Variants in CDH19 observed in about 807,000 individuals in gnomAD.
CDH19 encodes the protein cadherin-19.
CDH19 carries 67 observed loss-of-function variants against 64.2 expected under a neutral mutation model. The observed-to-expected ratio is 1.04, with a 90% CI of 0.86 to 1.28. The LOEUF is 1.28. CDH19 is among the 50% of genes most tolerant of loss of function. The probability of loss-of-function intolerance (pLI) is 0.00; values close to 1 mark genes in which losing one functional copy is unlikely to be tolerated. For missense variants in CDH19, 1,030 were observed against 929.0 expected, an observed-to-expected ratio of 1.11 and a Z score of -1.41; for synonymous variants, 346 against 319.3, an observed-to-expected ratio of 1.08 and a Z score of -0.89.
intron 3 of CDH19, among the ~76,000 whole-genome samples, chr18:66,558,036 C>A (rs949771835): frequency 3.3e-5 from 5 of 151,586 alleles, no homozygotes; most frequent in Admixed American, 6.6e-5. Flanking sequence ...CTTATTAGTG[C>A]AACTCCTGTA....
rs1987328928 is a variant in CDH19 at position 66,551,172 on chromosome 18, G to A, written c.697C>T (p.Pro233Ser). ...IIQAKDMIGQ[P>S]GALSGTTSVL... ...CTTGTTGTTCCAGACAACGCTCCTG[G>A]CTGACCAATCATGTCCTTGGCTTGA... The change falls in exon 5 of 12, where the codon CCA becomes TCA. Residue 233 changes from proline to serine, a missense_variant. Coordinates refer to ENST00000262150, the MANE Select transcript of CDH19 (RefSeq NM_021153.4). 1.2e-6 allele frequency: 2 copies of A among 1,605,284 alleles called. No individual in the cohort carries two copies. Among genetic ancestry groups the A allele is most frequent in the Admixed American group, 3.3e-5 (2 of 59,928 alleles).
chr18:66,505,331 A>G, intron 11 of CDH19, 29 bp from the exon 12 acceptor site: 2 of 1,492,894 alleles, frequency 1.3e-6, no homozygotes, highest in Non-Finnish European at 1.8e-6. Flanking sequence ...CAGAATATCA[A>G]TAAACAATAA....
At chr18:66,566,359 A>G (rs919314740) in intron 3 of CDH19, among the ~76,000 whole-genome samples, 10 of 149,998 alleles carry the variant, frequency 6.7e-5, no homozygotes, top group Admixed American at 5.4e-4. Flanking sequence ...TATTCTCTGG[A>G]ATCATTCCCC....
rs771959922 is a variant in CDH19 at position 66,509,296 on chromosome 18, T to C, written c.1577-50A>G. On this transcript the variant is annotated intron_variant, in intron 10 of 11. Coordinates refer to ENST00000262150, the MANE Select transcript of CDH19 (RefSeq NM_021153.4). ...ATTTTTTCAACTACGTAAGAGAAAT[T>C]TGTATGTAATAGTCACATGTGCTAG... 1.4e-5 allele frequency: 21 copies of C among 1,522,134 alleles called. No homozygotes were observed. The East Asian group carries it at 4.7e-4, about 34-fold the overall frequency. The allele number at this position is 1,522,134 out of a possible 1,614,324, so 94.3% of individuals were successfully genotyped here.
At chr18:66,528,004 T>C (rs577964482) in intron 9 of CDH19, among the ~76,000 whole-genome samples, 1 of 151,620 alleles carries the variant, frequency 6.6e-6, no homozygotes, top group Non-Finnish European at 1.5e-5. Flanking sequence ...CATAATTTTA[T>C]TTATAATAAT....
intron 8 of CDH19, among the ~76,000 whole-genome samples, chr18:66,534,088 C>T (rs1246340284): frequency 1.3e-5 from 2 of 151,070 alleles, no homozygotes; most frequent in African/African-American, 2.4e-5. Flanking sequence ...ACAAGTTTTT[C>T]CTTAAAATGA....
At chr18:66,523,907 T>TGGGGGC (rs980073202) in intron 9 of CDH19, among the ~76,000 whole-genome samples, 2 of 6,988 alleles carry the variant, frequency 2.9e-4, no homozygotes, top group Non-Finnish European at 6.2e-4. Context: ...TCTCCGGGGG[T>TGGGGGC]GGGGGCGGGG....
At chr18:66,592,837 A>C (rs1051943186) in intron 1 of CDH19, among the ~76,000 whole-genome samples, 2 of 151,892 alleles carry the variant, frequency 1.3e-5, no homozygotes, top group African/African-American at 4.8e-5. Flanking sequence ...GAATTGCAAT[A>C]CATATATTGC....
intron 9 of CDH19, among the ~76,000 whole-genome samples, chr18:66,523,493 A>G (rs1286401472): frequency 6.6e-6 from 1 of 151,752 alleles, no homozygotes; most frequent in Admixed American, 6.6e-5. Flanking sequence ...TCTAACCCAC[A>G]TTCTTCAGGA....
intron 9 of CDH19, among the ~76,000 whole-genome samples, chr18:66,525,794 A>G (rs183779021): frequency 9.2e-5 from 14 of 152,260 alleles, no homozygotes; most frequent in Admixed American, 9.2e-4. Flanking sequence ...GGAACATGAT[A>G]GGTAGCCATA....
At chr18:66,553,932 T>C in intron 4 of CDH19, among the ~76,000 whole-genome samples, 1 of 92,012 alleles carries the variant, frequency 1.1e-5, no homozygotes, top group South Asian at 3.5e-4. Flanking sequence ...GAATGTCTCA[T>C]ATCAATGTGT....
chr18:66,511,860 A>G (rs1985508478), intron 9 of CDH19, among the ~76,000 whole-genome samples, 175 bp from the exon 10 acceptor site: 1 of 151,600 alleles, frequency 6.6e-6, no homozygotes, highest in African/African-American at 2.4e-5. Flanking sequence ...GGTTAAAAAT[A>G]TGTTCACTTC....
chr18:66,550,460 A>T (rs1987298054), intron 5 of CDH19, among the ~76,000 whole-genome samples: 1 of 152,168 alleles, frequency 6.6e-6, no homozygotes, highest in Admixed American at 6.6e-5. Context: ...CGAAAGTGGC[A>T]AAAGAGAATT....
intron 10 of CDH19, among the ~76,000 whole-genome samples, chr18:66,509,459 AATT>A (rs1024632771): frequency 1.3e-5 from 2 of 151,828 alleles, no homozygotes; most frequent in Non-Finnish European, 2.9e-5. Flanking sequence ...TAATCAGATG[AATT>A]ATTTAAATTA....
chr18:66,529,896 C>A lies in CDH19; in HGVS notation c.1407G>T (p.Glu469Asp), dbSNP rs1443213989. ...CATAAGTCTCATAGTATTGAGAGAA[C>A]TCAGGAGCATGATCATTGATGTTAA... ...QVLNINDHAP[E>D]FSQYYETYVC... The change falls in exon 9 of 12, where the codon GAG (glutamate) becomes GAT (aspartate). Residue 469 changes from glutamate to aspartate, a missense_variant. Transcript: ENST00000262150. The A allele has an allele frequency of 2.5e-6, 4 of 1,591,790 alleles. No homozygotes were observed. Among genetic ancestry groups the A allele is most frequent in the Non-Finnish European group, 3.4e-6 (4 of 1,164,686 alleles).
intron 1 of CDH19, among the ~76,000 whole-genome samples, chr18:66,575,959 C>A (rs1285293226): frequency 6.6e-6 from 1 of 151,368 alleles, no homozygotes; most frequent in Non-Finnish European, 1.5e-5. Context: ...GCTCCATAAA[C>A]CATATATAAA....
chr18:66,523,216 G>A (rs1275681066), intron 9 of CDH19, among the ~76,000 whole-genome samples: 1 of 152,058 alleles, frequency 6.6e-6, no homozygotes, highest in Admixed American at 6.6e-5. Context: ...GGCCTGGCTC[G>A]GTATCAGCCT....
At position 66,502,173 on chromosome 18, in the gene CDH19, A is replaced by T. The variant is rs2144314799; in HGVS notation, c.*2639T>A. ...AAAATAATTATTGAATATAATACAAAGTATAATTCCTAGGAAGTTGCACCT... is the reference window on the plus strand; with the variant it reads ...AAAATAATTATTGAATATAATACAATGTATAATTCCTAGGAAGTTGCACCT... On this transcript the variant is annotated 3_prime_UTR_variant, in exon 12 of 12. Transcript: ENST00000262150. The T allele has an allele frequency of 6.6e-6, 1 of 152,232 alleles. No individual in the cohort carries two copies. The highest frequency in any genetic ancestry group is 1.5e-5 in the Non-Finnish European group (1 of 67,986). The allele number at this position is 152,232 out of a possible 1,614,324, so 9.4% of individuals were successfully genotyped here. A position where few individuals can be genotyped will look rare whatever the true frequency, so the allele number is the denominator to read the frequency against.
In CDH19 at chr18:66,522,735, G is replaced by A. The variant is rs1034405515; in HGVS notation, c.1458+7110C>T. On this transcript the variant is annotated intron_variant, in intron 9 of 11. Coordinates refer to ENST00000262150, the MANE Select transcript of CDH19 (RefSeq NM_021153.4). ...ATTCGAACACATTTAAGCTTAAAGA[G>A]TTCTGTGCTATTCCTAGGATTTATG... Among the ~76,000 whole-genome samples the A allele has an allele frequency of 4.0e-5, 6 of 151,134 alleles. No homozygotes were observed. In the South Asian group the frequency reaches 1.0e-3, roughly 26 times the overall value.
Sources: allele counts gnomAD v4.1 joint callset (sites outside exome capture counted in the v4.1 genomes callset), GRCh38; gene constraint gnomAD v4.1.1; transcripts MANE v1.5; gene names NCBI Gene and HGNC (gene_info 2026-07-23, HGNC 2026-07-21).